AK8: variants seen among roughly 807,000 people sequenced by gnomAD.
The protein encoded by AK8 is ATP-AMP transphosphorylase 8.
Under a neutral mutation model 54.6 loss-of-function variants are expected in AK8, and 44 were observed. The ratio of observed to expected loss-of-function variants is 0.81; its 90% CI spans 0.63 to 1.04. The LOEUF (loss-of-function observed/expected upper bound fraction) is 1.04, where lower values mean the gene tolerates loss of function less well. Ranked by LOEUF, AK8 falls within the 50% of genes least tolerant of loss-of-function variation. The probability of loss-of-function intolerance (pLI) is 0.00; values close to 1 mark genes in which losing one functional copy is unlikely to be tolerated. For synonymous variants in AK8, 239 were observed against 245.6 expected, an observed-to-expected ratio of 0.97 and a Z score of 0.25; for missense variants, 555 against 613.6, an observed-to-expected ratio of 0.90 and a Z score of 1.01.
intron 11 of AK8, among the ~76,000 whole-genome samples, chr9:132,745,013 C>T (rs890400369): frequency 3.3e-5 from 5 of 152,168 alleles, no homozygotes; most frequent in African/African-American, 1.2e-4. Context: ...GCTGACAGCT[C>T]ACAGATTGAG....
intron 11 of AK8, among the ~76,000 whole-genome samples, chr9:132,776,035 C>T (rs572177612): frequency 3.9e-5 from 6 of 152,342 alleles, no homozygotes; most frequent in African/African-American, 1.4e-4. Context: ...GCAGCAGCAC[C>T]GGCCTCTCCT....
chr9:132,804,892 GC>G (rs1161716539), intron 10 of AK8, among the ~76,000 whole-genome samples: 4 of 152,118 alleles, frequency 2.6e-5, no homozygotes, highest in African/African-American at 9.7e-5. Flanking sequence ...CTCATGTCCT[GC>G]CCCTGCCTCT....
chr9:132,771,249 G>A (rs146561042), intron 11 of AK8, among the ~76,000 whole-genome samples: 9 of 152,202 alleles, frequency 5.9e-5, no homozygotes, highest in Non-Finnish European at 1.2e-4. Context: ...GGTAGGCCAG[G>A]TGCACAGCCC....
In AK8 at chr9:132,875,171, TG is replaced by T; in HGVS notation, c.112del (p.Gln38SerfsTer9). 6.2e-7 allele frequency: 1 copy of T among 1,614,180 alleles called. No individual in the cohort carries two copies. The highest frequency in any genetic ancestry group is 1.7e-4 in the Middle Eastern group (1 of 6,060). On this transcript the variant is annotated frameshift_variant, in exon 2 of 13. Transcript: ENST00000298545. LOFTEE classifies it high-confidence loss of function. ...QNMLEQLLIH[Q>X]PEDPIPFMIQ... ...CATGAAGGGGATGGGATCTTCGGGC[TG>T]GTGGATCAGGAGTTGCTCCAGCATG...
intron 5 of AK8, among the ~76,000 whole-genome samples, chr9:132,839,852 C>T (rs574653754): frequency 1.3e-5 from 2 of 148,222 alleles, no homozygotes; most frequent in Non-Finnish European, 3.0e-5. Flanking sequence ...GAGCCTTGCT[C>T]TGTCACCCAG....
At chr9:132,741,598 C>T (rs1837396384) in intron 11 of AK8, among the ~76,000 whole-genome samples, 1 of 152,210 alleles carries the variant, frequency 6.6e-6, no homozygotes, top group Non-Finnish European at 1.5e-5. Context: ...TCACCGCAGC[C>T]TCCAACTGAA....
chr9:132,731,207 T>G (rs1164392512), intron 11 of AK8, among the ~76,000 whole-genome samples: 2 of 152,072 alleles, frequency 1.3e-5, no homozygotes, highest in Non-Finnish European at 2.9e-5. Flanking sequence ...TTCCGAGTGA[T>G]TTGTGTGTTT....
At position 132,803,831 on chromosome 9, in the gene AK8, G is replaced by A. The variant is rs753496922; in HGVS notation, c.979+10807C>T. Among the ~76,000 whole-genome samples the A allele has an allele frequency of 9.2e-5, 14 of 152,168 alleles. No individual in the cohort carries two copies. The highest frequency in any genetic ancestry group is 1.5e-4 in the Non-Finnish European group (10 of 68,030). ...TGTTCCTTCAAGACTAATTCTCTGG[G>A]CCGGGCATGGTGGTTCACGCCTGTA... On this transcript the variant is annotated intron_variant, in intron 10 of 12. Coordinates refer to ENST00000298545, the MANE Select transcript of AK8 (RefSeq NM_152572.3). This position sits in a 1 kb window ranked among gnomAD's most constrained non-coding sequence, Gnocchi z 4.4.
At chr9:132,767,959 C>G (rs1035894976) in intron 11 of AK8, among the ~76,000 whole-genome samples, 5 of 151,982 alleles carry the variant, frequency 3.3e-5, no homozygotes, top group African/African-American at 1.2e-4. Context: ...TGGGAGGGGC[C>G]AGGGGAGGTG....
intron 11 of AK8, among the ~76,000 whole-genome samples, chr9:132,736,486 CCAAT>C (rs1837120964): frequency 6.7e-6 from 1 of 148,754 alleles, no homozygotes; most frequent in South Asian, 2.3e-4. Flanking sequence ...CTGTGCCTGG[CCAAT>C]CAGTCTTAAA....
At chr9:132,849,288 G>A (rs1842878322) in intron 5 of AK8, among the ~76,000 whole-genome samples, 1 of 152,200 alleles carries the variant, frequency 6.6e-6, no homozygotes. Context: ...ACTTAGAACA[G>A]GGGTTGGCAA....
chr9:132,774,531 T>C (rs1839123557), intron 11 of AK8, among the ~76,000 whole-genome samples: 1 of 152,142 alleles, frequency 6.6e-6, no homozygotes, highest in Non-Finnish European at 1.5e-5. Context: ...GTTATGCCTG[T>C]AAGGAAGATG....
chr9:132,864,913 A>G (rs1456543772), intron 3 of AK8, among the ~76,000 whole-genome samples: 1 of 152,240 alleles, frequency 6.6e-6, no homozygotes, highest in African/African-American at 2.4e-5. Context: ...AGACTCCTCC[A>G]GAAAAACGAG....
intron 11 of AK8, among the ~76,000 whole-genome samples, chr9:132,738,109 A>C (rs1375081639): frequency 6.6e-6 from 1 of 151,602 alleles, no homozygotes; most frequent in Non-Finnish European, 1.5e-5. Flanking sequence ...GCTGCAGTGC[A>C]GTGGCACAAT....
intron 11 of AK8, among the ~76,000 whole-genome samples, chr9:132,787,557 G>GC (rs1235634580): frequency 1.3e-5 from 2 of 152,080 alleles, no homozygotes; most frequent in Non-Finnish European, 2.9e-5. Flanking sequence ...GAATAGTAGG[G>GC]CCCCCAAAAT....
rs781517055 is a variant in AK8 at position 132,826,256 on chromosome 9, G to C, written c.757+598C>G. On this transcript the variant is annotated intron_variant, in intron 8 of 12. Coordinates refer to ENST00000298545, the MANE Select transcript of AK8 (RefSeq NM_152572.3). This position sits in a 1 kb window ranked among gnomAD's most constrained non-coding sequence, Gnocchi z 4.5. The stretch of plus-strand genomic sequence containing the variant: ...GCCAGAGGCTGCACAGCTGGGCTGC[G>C]TCGGGGCTGAGATTTGAACAGGTTG... 6.6e-6 allele frequency among the ~76,000 whole-genome samples: 1 copy of C among 152,170 alleles called. No individual in the cohort carries two copies. Among genetic ancestry groups the C allele is most frequent in the Non-Finnish European group, 1.5e-5 (1 of 68,018 alleles).
intron 9 of AK8, among the ~76,000 whole-genome samples, chr9:132,820,659 G>A (rs937340014): frequency 2.0e-5 from 3 of 152,210 alleles, no homozygotes; most frequent in East Asian, 1.9e-4. Flanking sequence ...TCAGAAAGTC[G>A]TGTCCGTATA....
intron 11 of AK8, among the ~76,000 whole-genome samples, chr9:132,744,791 T>C (rs1242868836): frequency 6.6e-6 from 1 of 152,194 alleles, no homozygotes; most frequent in African/African-American, 2.4e-5. Context: ...TAATAACCAC[T>C]GTGCAGAGCT....
At chr9:132,794,017 C>T (rs1281353655) in intron 10 of AK8, among the ~76,000 whole-genome samples, 1 of 152,142 alleles carries the variant, frequency 6.6e-6, no homozygotes, top group East Asian at 1.9e-4. Flanking sequence ...GCAAGAGATG[C>T]AGAAAAATCA....
Sources: gnomAD v4.1 joint callset for allele counts (sites outside exome capture counted in the v4.1 genomes callset) on GRCh38, gnomAD v4.1.1 for gene constraint, Gnocchi (gnomAD v3.1) non-coding constraint, MANE v1.5 for transcripts, NCBI Gene and HGNC (gene_info 2026-07-23, HGNC 2026-07-21) for gene names.